The following ASIC2 variants were observed in gnomAD, a reference collection of about 807,000 sequenced individuals.
The protein encoded by ASIC2 is acid-sensing ion channel 2.
ASIC2 carries 25 observed loss-of-function variants against 57.3 expected under a neutral mutation model. The observed-to-expected ratio is 0.44, with a 90% confidence interval of 0.32 to 0.61. The LOEUF is 0.61. ASIC2 is among the 20% of genes least tolerant of loss of function. The pLI, the probability that ASIC2 is intolerant of heterozygous loss-of-function variation, is 0.06. For missense variants in ASIC2, 641 were observed against 738.1 expected (o/e 0.87, Z 1.52); for synonymous variants, 319 against 307.5 (o/e 1.04, Z -0.39).
intron 1 of ASIC2, among the ~76,000 whole-genome samples, chr17:33,884,424 T>G (rs1378800829): frequency 6.6e-6 from 1 of 152,176 alleles, no homozygotes; most frequent in Non-Finnish European, 1.5e-5. Context: ...AGTTCCCTGA[T>G]CCCTGCTTAT....
chr17:33,717,174 AC>A (rs1333849126), intron 1 of ASIC2, among the ~76,000 whole-genome samples: 3 of 152,252 alleles, frequency 2.0e-5, no homozygotes, highest in Non-Finnish European at 4.4e-5. Context: ...TCAGAGGCAC[AC>A]AAAAAGGGTG....
chr17:33,799,462 CTTTCT>C (rs1912058126), intron 1 of ASIC2, among the ~76,000 whole-genome samples: 5 of 119,628 alleles, frequency 4.2e-5, no homozygotes, highest in Non-Finnish European at 8.9e-5. Flanking sequence ...TTCTTTCTTT[CTTTCT>C]TTCTTTCTTT....
At chr17:33,170,230 G>A (rs1205765498) in intron 1 of ASIC2, among the ~76,000 whole-genome samples, 1 of 152,168 alleles carries the variant, frequency 6.6e-6, no homozygotes, top group Non-Finnish European at 1.5e-5. Flanking sequence ...GTTGCAGGGA[G>A]ATTCATGATC....
chr17:33,307,226 G>T (rs567024925), intron 1 of ASIC2, among the ~76,000 whole-genome samples: 14 of 152,018 alleles, frequency 9.2e-5, no homozygotes, highest in African/African-American at 3.1e-4. Flanking sequence ...TTACCTGGTG[G>T]TCTTCTCCTT....
intron 1 of ASIC2, among the ~76,000 whole-genome samples, chr17:33,168,918 T>C (rs67041096): frequency 0.022 from 3,335 of 152,222 alleles, 130 homozygotes; most frequent in African/African-American, 0.076. Flanking sequence ...CTAATACTGA[T>C]AGAAAAAAGA....
At chr17:34,067,594 A>T (rs968832067) in intron 1 of ASIC2, among the ~76,000 whole-genome samples, 34 of 152,232 alleles carry the variant, frequency 2.2e-4, no homozygotes, top group African/African-American at 7.7e-4. Context: ...TATCCCAAGA[A>T]GATTACTGGA....
chr17:33,717,175 CA>C (rs1192944217), intron 1 of ASIC2, among the ~76,000 whole-genome samples: 4 of 152,112 alleles, frequency 2.6e-5, no homozygotes, highest in Non-Finnish European at 5.9e-5. Flanking sequence ...CAGAGGCACA[CA>C]AAAAGGGTGT....
chr17:33,803,063 T>A (rs1912175005), intron 1 of ASIC2, among the ~76,000 whole-genome samples: 1 of 152,132 alleles, frequency 6.6e-6, no homozygotes, highest in Non-Finnish European at 1.5e-5. Context: ...TTGTTCTGAG[T>A]AATGAGGAAA....
chr17:33,139,725 AC>A (rs1597598886), intron 1 of ASIC2, among the ~76,000 whole-genome samples: 1 of 152,118 alleles, frequency 6.6e-6, no homozygotes, highest in East Asian at 1.9e-4. Flanking sequence ...ACTCCCAGAC[AC>A]CCCTATCATG....
chr17:33,532,200 C>T lies in ASIC2; in HGVS notation c.556-420133G>A, dbSNP rs533665883. Among the ~76,000 whole-genome samples, 3 of 152,272 alleles carry T rather than the reference C, an allele frequency of 2.0e-5. No individual in the cohort carries two copies. In the South Asian group the frequency reaches 6.2e-4, roughly 32 times the overall value. ...GTTTGCCCTCGGCAAGCGCCTGATGCCTAACCAACCTCACCCATGAAGTCA... is the reference window on the plus strand; with the variant it reads ...GTTTGCCCTCGGCAAGCGCCTGATGTCTAACCAACCTCACCCATGAAGTCA... On this transcript the variant is annotated intron_variant, in intron 1 of 9. Transcript: ENST00000359872.
At chr17:33,672,450 T>G (rs1597829855) in intron 1 of ASIC2, among the ~76,000 whole-genome samples, 1 of 150,964 alleles carries the variant, frequency 6.6e-6, no homozygotes. Context: ...AGTCTTCACT[T>G]AAAAAAAAAT....
chr17:33,578,883 T>C (rs1216689576), intron 1 of ASIC2, among the ~76,000 whole-genome samples: 1 of 152,278 alleles, frequency 6.6e-6, no homozygotes, highest in Middle Eastern at 3.4e-3. Flanking sequence ...GTGACCGTGG[T>C]AAAACCCTGC....
chr17:33,378,070 G>A (rs1359776747), intron 1 of ASIC2, among the ~76,000 whole-genome samples: 1 of 152,216 alleles, frequency 6.6e-6, no homozygotes, highest in African/African-American at 2.4e-5. Context: ...TCTGCTCTAT[G>A]CATGGCATAG....
chr17:34,091,465 T>C (rs1910327866), intron 1 of ASIC2, among the ~76,000 whole-genome samples: 1 of 152,140 alleles, frequency 6.6e-6, no homozygotes, highest in African/African-American at 2.4e-5. Flanking sequence ...TGAGTGGCAG[T>C]AGTTAGGGGT....
intron 1 of ASIC2, among the ~76,000 whole-genome samples, chr17:33,734,361 C>T (rs1909846916): frequency 6.6e-6 from 1 of 152,188 alleles, no homozygotes; most frequent in Non-Finnish European, 1.5e-5. Flanking sequence ...GAACCTTCCT[C>T]CCGTGCTCTG....
At chr17:33,541,076 G>GA (rs11300637) in intron 1 of ASIC2, among the ~76,000 whole-genome samples, 7 of 151,504 alleles carry the variant, frequency 4.6e-5, no homozygotes, top group South Asian at 2.1e-4. Context: ...TTTTCTTAGG[G>GA]AAAAAAAATC....
chr17:33,507,233 A>G (rs192462199), intron 1 of ASIC2, among the ~76,000 whole-genome samples: 36 of 152,280 alleles, frequency 2.4e-4, no homozygotes, highest in Middle Eastern at 3.4e-3. Context: ...ATTTCAGTTT[A>G]TCTTCCATTA....
rs183767613 is a variant in ASIC2 at position 33,051,672 on chromosome 17, C to T, written c.988-23280G>A. On this transcript the variant is annotated intron_variant, in intron 3 of 9. Coordinates refer to ENST00000225823, the MANE Select transcript of ASIC2 (RefSeq NM_183377.2). Reference sequence around the variant, plus strand: ...GAACTTCTTTGAGTATCAGTTACCTCTGTGTGAAATAGGAATACCATTCTT... The same window carrying T: ...GAACTTCTTTGAGTATCAGTTACCTTTGTGTGAAATAGGAATACCATTCTT... Among the ~76,000 whole-genome samples the T allele has an allele frequency of 1.1e-4, 16 of 152,230 alleles. No homozygotes were observed. In the East Asian group the frequency reaches 3.1e-3, roughly 29 times the overall value.
At chr17:33,144,776 C>T (rs1904487753) in intron 1 of ASIC2, among the ~76,000 whole-genome samples, 1 of 152,136 alleles carries the variant, frequency 6.6e-6, no homozygotes, top group Non-Finnish European at 1.5e-5. Flanking sequence ...CTGGGACACC[C>T]ACTATATGGG....
Sources: gnomAD v4.1 joint callset for allele counts (sites outside exome capture counted in the v4.1 genomes callset) on GRCh38, gnomAD v4.1.1 for gene constraint, MANE v1.5 for transcripts, NCBI Gene and HGNC (gene_info 2026-07-23, HGNC 2026-07-21) for gene names.